AGK: variants seen among roughly 807,000 people sequenced by gnomAD.
The protein encoded by AGK is acylglycerol kinase, mitochondrial.
In AGK, 52 loss-of-function variants were observed where a neutral mutation model predicts 66.4. The ratio of observed to expected loss-of-function variants is 0.78; its 90% CI spans 0.63 to 0.99. The LOEUF (loss-of-function observed/expected upper bound fraction) is 0.99. Among genes scored for constraint, AGK ranks in the 50% least tolerant of loss-of-function variants. The pLI is 0.00. For missense variants in AGK, 451 were observed against 506.6 expected (o/e 0.89, Z 1.05); for synonymous variants, 182 against 181.1 (o/e 1.00, Z -0.04).
At chr7:141,591,447 G>A (rs1292942471) in intron 2 of AGK, among the ~76,000 whole-genome samples, 1 of 152,084 alleles carries the variant, frequency 6.6e-6, no homozygotes, top group African/African-American at 2.4e-5. Flanking sequence ...TGTGGATGGT[G>A]TTCTCTTAGT....
chr7:141,621,854 A>G, intron 9 of AGK, 53 bp downstream of exon 9: 2 of 1,321,084 alleles, frequency 1.5e-6, no homozygotes, highest in South Asian at 1.2e-5. Flanking sequence ...ACTCGCTTAC[A>G]TGTTAAAGAA....
intron 2 of AGK, among the ~76,000 whole-genome samples, chr7:141,579,207 A>G (rs1795824349): frequency 6.6e-6 from 1 of 152,022 alleles, no homozygotes; most frequent in Non-Finnish European, 1.5e-5. Flanking sequence ...GCAAAGTGGT[A>G]AAAGTATTGT....
At chr7:141,597,284 T>C (rs562323835) in intron 4 of AGK, 6 of 152,518 alleles carry the variant, frequency 3.9e-5, no homozygotes, top group African/African-American at 1.4e-4. Flanking sequence ...GTTCATTGAT[T>C]ATACAAATGA....
At chr7:141,647,467 AC>A (rs1367817338) in intron 13 of AGK, among the ~76,000 whole-genome samples, 6 of 152,230 alleles carry the variant, frequency 3.9e-5, no homozygotes, top group Admixed American at 6.5e-5. Context: ...TTCCCCCAGC[AC>A]CACCTGAAGG....
At chr7:141,624,978 T>C (rs893279119) in intron 9 of AGK, among the ~76,000 whole-genome samples, 10 of 152,144 alleles carry the variant, frequency 6.6e-5, no homozygotes, top group Admixed American at 5.2e-4. Context: ...CACCCCAACC[T>C]TCAGCAACCA....
intron 2 of AGK, among the ~76,000 whole-genome samples, chr7:141,581,810 G>T (rs537514318): frequency 6.6e-6 from 1 of 152,000 alleles, no homozygotes; most frequent in East Asian, 1.9e-4. Context: ...TAATAAGGGA[G>T]CTGGGCAGGT....
chr7:141,623,065 A>G (rs1306589516), intron 9 of AGK, among the ~76,000 whole-genome samples: 1 of 152,120 alleles, frequency 6.6e-6, no homozygotes, highest in Non-Finnish European at 1.5e-5. Flanking sequence ...TAAATGTGCT[A>G]CTACAGTGAG....
intron 2 of AGK, among the ~76,000 whole-genome samples, chr7:141,572,904 G>A (rs1795638122): frequency 6.6e-6 from 1 of 152,122 alleles, no homozygotes; most frequent in South Asian, 2.1e-4. Context: ...TTTCAATAAT[G>A]GTTTGTGCTC....
chr7:141,585,885 A>G (rs945911944), intron 2 of AGK, among the ~76,000 whole-genome samples: 2 of 152,330 alleles, frequency 1.3e-5, no homozygotes, highest in Admixed American at 1.3e-4. Context: ...GCAGATCTGC[A>G]GGGACCCTTT....
chr7:141,579,755 A>C (rs1795843384), intron 2 of AGK, among the ~76,000 whole-genome samples: 1 of 152,010 alleles, frequency 6.6e-6, no homozygotes, highest in Non-Finnish European at 1.5e-5. Context: ...TATAACCTAC[A>C]TGGAAGAGGC....
At chr7:141,618,168 T>C (rs755581803) in intron 8 of AGK, among the ~76,000 whole-genome samples, 2 of 152,220 alleles carry the variant, frequency 1.3e-5, no homozygotes, top group Non-Finnish European at 2.9e-5. Flanking sequence ...TGTTTACATT[T>C]AGTCCTGAGC....
intron 10 of AGK, among the ~76,000 whole-genome samples, chr7:141,636,224 A>G (rs1432598793): frequency 6.6e-6 from 1 of 152,182 alleles, no homozygotes; most frequent in East Asian, 1.9e-4. Flanking sequence ...GCATATGTGC[A>G]TTTGTGTGTG....
intron 2 of AGK, among the ~76,000 whole-genome samples, chr7:141,589,324 G>A (rs1243677484): frequency 2.0e-5 from 3 of 152,206 alleles, no homozygotes; most frequent in Non-Finnish European, 2.9e-5. Flanking sequence ...TTGGTACAAG[G>A]TAGTTGCTCT....
intron 8 of AGK, 121 bp from the exon 9 acceptor site, chr7:141,621,608 GGGA>G: frequency 4.3e-6 from 3 of 691,888 alleles, no homozygotes; most frequent in African/African-American, 3.6e-5. Flanking sequence ...GAGAGAGAGA[GGGA>G]GAGAGAGAGA....
intron 9 of AGK, among the ~76,000 whole-genome samples, chr7:141,628,589 C>T (rs1334593423): frequency 6.6e-6 from 1 of 152,054 alleles, no homozygotes. Context: ...ACAATAATGC[C>T]TTATATTTAG....
At chr7:141,645,167 A>C (rs914115163) in intron 13 of AGK, among the ~76,000 whole-genome samples, 1 of 151,774 alleles carries the variant, frequency 6.6e-6, no homozygotes, top group African/African-American at 2.4e-5. Context: ...TACAATATTG[A>C]CTCCTCTAGC....
rs1240464664 is a variant in AGK at position 141,641,849 on chromosome 7, G to A, written c.916G>A (p.Val306Met). ...QEVSPEVWKD[V>M]QLSTIELSIT... ...GGTGAGCCCGGAGGTCTGGAAAGATGTGCAGCTGTCCACCATTGAACTGTC... is the reference window on the plus strand; with the variant it reads ...GGTGAGCCCGGAGGTCTGGAAAGATATGCAGCTGTCCACCATTGAACTGTC... Residue 306 changes from valine to methionine, a missense_variant, in exon 13 of 16, where the codon GTG (valine) becomes ATG (methionine). By Grantham distance (21) the Val-to-Met change is conservative. Coordinates refer to ENST00000649286, the MANE Select transcript of AGK (RefSeq NM_018238.4). 15 of 1,586,938 alleles carry A rather than the reference G, an allele frequency of 9.5e-6. No homozygotes were observed. In the East Asian group the frequency reaches 3.2e-4, roughly 34 times the overall value.
In AGK at chr7:141,654,262, A is replaced by AGAATGTTCTTTATCCTAATTAGT. The variant is rs1421979494; in HGVS notation, c.*1339_*1361dup. ...TTGGATGATTAAAAGTTTTTTTATT[A>AGAATGTTCTTTATCCTAATTAGT]GAATGTTCTTTATCCTAATTAGTTC... On this transcript the variant is annotated 3_prime_UTR_variant, in exon 16 of 16. Coordinates refer to ENST00000649286, the MANE Select transcript of AGK (RefSeq NM_018238.4). 4.6e-5 allele frequency: 7 copies of AGAATGTTCTTTATCCTAATTAGT among 152,208 alleles called. No homozygotes were observed. The highest frequency in any genetic ancestry group is 8.8e-5 in the Non-Finnish European group (6 of 68,044). 9.4% of individuals were successfully genotyped at this position (152,208 alleles called of 1,614,324 possible).
In AGK at chr7:141,636,942, A is replaced by G. The variant is rs780040985; in HGVS notation, c.669-18A>G. The stretch of plus-strand genomic sequence containing the variant: ...CTTTTGATATTCTTATCAGATTTTT[A>G]TCTTGGTCTTTTCACAGGTACTGGT... On this transcript the variant is annotated intron_variant, in intron 10 of 15. Coordinates refer to ENST00000649286, the MANE Select transcript of AGK (RefSeq NM_018238.4). 3.1e-6 allele frequency: 5 copies of G among 1,605,022 alleles called. No individual in the cohort carries two copies. The highest frequency in any genetic ancestry group is 1.7e-5 in the Admixed American group (1 of 59,090).
Sources: gnomAD v4.1 joint callset for allele counts (sites outside exome capture counted in the v4.1 genomes callset) on GRCh38, gnomAD v4.1.1 for gene constraint, MANE v1.5 for transcripts, NCBI Gene and HGNC (gene_info 2026-07-23, HGNC 2026-07-21) for gene names.